CCDC149: variants seen among roughly 807,000 people sequenced by gnomAD.
CCDC149 encodes the protein coiled-coil domain containing 149, also known as coiled-coil domain-containing protein 149.
CCDC149 carries 45 observed loss-of-function variants against 59.9 expected under a neutral mutation model. The observed-to-expected ratio is 0.75, with a 90% CI of 0.59 to 0.96. The LOEUF (loss-of-function observed/expected upper bound fraction) is 0.96. Ranked by LOEUF, CCDC149 falls within the 40% of genes least tolerant of loss-of-function variation. The probability of loss-of-function intolerance (pLI) is 0.00; values close to 1 mark genes in which losing one functional copy is unlikely to be tolerated. For synonymous variants in CCDC149, 245 were observed against 260.6 expected (o/e 0.94, Z 0.58); for missense variants, 584 against 664.7 (o/e 0.88, Z 1.33).
downstream of CCDC149, among the ~76,000 whole-genome samples, chr4:24,804,012 TTC>T (rs1714002133): frequency 6.6e-6 from 1 of 152,198 alleles, no homozygotes; most frequent in Non-Finnish European, 1.5e-5. Context: ...CTACAAATTT[TTC>T]TCTCTTCAGG....
downstream of CCDC149, among the ~76,000 whole-genome samples, chr4:24,804,255 G>A (rs935280888): frequency 8.5e-5 from 13 of 152,170 alleles, no homozygotes; most frequent in Admixed American, 3.9e-4. Context: ...CACTTTGGGA[G>A]GCCGAGGAAG....
At chr4:24,943,231 A>G (rs913240444) in intron 1 of CCDC149, among the ~76,000 whole-genome samples, 1 of 152,210 alleles carries the variant, frequency 6.6e-6, no homozygotes, top group Non-Finnish European at 1.5e-5. Flanking sequence ...GCCCTCAGAA[A>G]TAATGCCGCA....
chr4:24,822,074 T>C (rs1366923170), intron 10 of CCDC149, among the ~76,000 whole-genome samples: 2 of 152,224 alleles, frequency 1.3e-5, no homozygotes, highest in South Asian at 2.1e-4. Context: ...GGTGATTAAA[T>C]TGCACAAATC....
At chr4:24,854,072 C>A (rs1327134460) in intron 3 of CCDC149, among the ~76,000 whole-genome samples, 2 of 152,124 alleles carry the variant, frequency 1.3e-5, no homozygotes, top group Admixed American at 1.3e-4. Flanking sequence ...CATCTCACAG[C>A]CTCATGGTCC....
At chr4:24,867,908 A>C (rs1344801446) in intron 3 of CCDC149, among the ~76,000 whole-genome samples, 1 of 152,248 alleles carries the variant, frequency 6.6e-6, no homozygotes, top group African/African-American at 2.4e-5. Context: ...CCAGTGGGCA[A>C]TAATACGCAC....
chr4:24,923,875 C>G (rs1722366993), intron 1 of CCDC149, among the ~76,000 whole-genome samples: 1 of 152,182 alleles, frequency 6.6e-6, no homozygotes, highest in African/African-American at 2.4e-5. Context: ...GACAGGTTGC[C>G]AGGGCAGCCC....
chr4:24,853,509 G>C (rs2109186060), intron 3 of CCDC149, among the ~76,000 whole-genome samples: 1 of 150,940 alleles, frequency 6.6e-6, no homozygotes, highest in South Asian at 2.1e-4. Context: ...AATTGCTTGA[G>C]CCCGGGAGGC....
At chr4:24,928,866 G>A (rs1006732868) in intron 1 of CCDC149, among the ~76,000 whole-genome samples, 10 of 152,142 alleles carry the variant, frequency 6.6e-5, no homozygotes, top group African/African-American at 2.4e-4. Context: ...GAGGAATGGG[G>A]TGAACTTCAT....
chr4:24,936,605 AC>A (rs1722784773), intron 1 of CCDC149, among the ~76,000 whole-genome samples: 1 of 152,204 alleles, frequency 6.6e-6, no homozygotes, highest in Non-Finnish European at 1.5e-5. Context: ...AATATATAGT[AC>A]ATTGTTATTT....
chr4:24,906,828 C>T (rs545453785), intron 1 of CCDC149, among the ~76,000 whole-genome samples: 2 of 152,154 alleles, frequency 1.3e-5, no homozygotes, highest in Non-Finnish European at 2.9e-5. Context: ...GTGGTGCAGA[C>T]AGCCAGAGGG....
At chr4:24,900,817 C>G (rs533423101) in intron 1 of CCDC149, among the ~76,000 whole-genome samples, 95 of 152,270 alleles carry the variant, frequency 6.2e-4, no homozygotes, top group Non-Finnish European at 1.2e-3. Flanking sequence ...AGGCTGTGGA[C>G]AGAGAAGAAG....
intron 1 of CCDC149, among the ~76,000 whole-genome samples, chr4:24,974,417 T>C (rs1934321595): frequency 6.6e-6 from 1 of 152,208 alleles, no homozygotes; most frequent in South Asian, 2.1e-4. Context: ...TGTGTGGCTC[T>C]AGAGGACAGA....
intron 1 of CCDC149, among the ~76,000 whole-genome samples, chr4:24,943,205 G>A (rs908102245): frequency 2.6e-5 from 4 of 152,114 alleles, no homozygotes; most frequent in South Asian, 2.1e-4. Context: ...GATAAAGACC[G>A]ATGGAACAGA....
intron 8 of CCDC149, 140 bp from the exon 9 acceptor site, chr4:24,831,790 T>C: frequency 1.5e-6 from 1 of 681,880 alleles, no homozygotes; most frequent in Non-Finnish European, 2.3e-6. Flanking sequence ...CCACCTCAAG[T>C]GTCAACAAAA....
intron 1 of CCDC149, among the ~76,000 whole-genome samples, chr4:24,940,463 A>G (rs1174702859): frequency 5.3e-5 from 8 of 152,200 alleles, no homozygotes; most frequent in Admixed American, 5.2e-4. Flanking sequence ...AAAGACCATC[A>G]AGGCTAGGAA....
chr4:24,825,163 G>A (rs965713582), intron 9 of CCDC149, among the ~76,000 whole-genome samples: 1 of 152,194 alleles, frequency 6.6e-6, no homozygotes, highest in Non-Finnish European at 1.5e-5. Flanking sequence ...TATGCTACAG[G>A]CTGCAGGGGA....
chr4:24,873,523 C>G (rs1216095955), intron 3 of CCDC149, among the ~76,000 whole-genome samples, 158 bp downstream of exon 3: 1 of 152,166 alleles, frequency 6.6e-6, no homozygotes, highest in Non-Finnish European at 1.5e-5. Context: ...CACTCCACTC[C>G]GAATTTCTCT....
chr4:24,830,957 C>T (rs1716104951), intron 9 of CCDC149: 1 of 152,706 alleles, frequency 6.5e-6, no homozygotes, highest in African/African-American at 2.4e-5. Context: ...CGTTAACCTG[C>T]TTGGTTTTAC....
chr4:24,873,800 A>G, intron 2 of CCDC149, 81 bp from the exon 3 acceptor site: 1 of 1,106,796 alleles, frequency 9.0e-7, no homozygotes, highest in East Asian at 2.4e-5. Flanking sequence ...TAAATTATGA[A>G]CCTAAATGTA....
Sources: allele counts gnomAD v4.1 joint callset (sites outside exome capture counted in the v4.1 genomes callset), GRCh38; gene constraint gnomAD v4.1.1; transcripts MANE v1.5; gene names NCBI Gene and HGNC (gene_info 2026-07-23, HGNC 2026-07-21).